NCAN: variants seen among roughly 807,000 people sequenced by gnomAD.
The protein encoded by NCAN is neurocan.
A neutral mutation model predicts 121.8 loss-of-function variants in NCAN; 47 were observed. That is an observed-to-expected ratio of 0.39 (90% CI 0.31 to 0.49). The LOEUF is 0.49. Among genes scored for constraint, NCAN ranks in the 20% least tolerant of loss-of-function variants. The pLI, the probability that NCAN is intolerant of heterozygous loss-of-function variation, is 0.92. For missense variants in NCAN, 1,517 were observed against 1,773.4 expected (o/e 0.86, Z 2.60); for synonymous variants, 633 against 702.0 (o/e 0.90, Z 1.55).
rs2060839365 is a variant in NCAN, at chr19:19,226,909, G to T, written c.1496G>T (p.Gly499Val). 2 of 1,604,088 alleles carry T rather than the reference G, an allele frequency of 1.2e-6. No homozygotes were observed. The highest frequency in any genetic ancestry group is 8.5e-7 in the Non-Finnish European group (1 of 1,174,112). ...TTCCAGCAGCAGGAACCGGAGCCGG[G>T]GCTGCAAGGGGGGATGGAGGCCAGC... is the stretch of plus-strand genomic sequence containing the variant. ...RYFQQQEPEP[G>V]LQGGMEASAQ... The change falls in exon 7 of 15, where the codon GGG (glycine) becomes GTG (valine). Residue 499 changes from glycine (G) to valine (V), a missense_variant. Physicochemically the swap from Gly to Val is moderately radical, Grantham distance 109. Coordinates refer to ENST00000252575, the MANE Select transcript of NCAN (RefSeq NM_004386.3).
chr19:19,232,831 T>C (rs2060865708), intron 8 of NCAN: 1 of 152,194 alleles, frequency 6.6e-6, no homozygotes, highest in Non-Finnish European at 1.5e-5. Context: ...AAGAAACGAT[T>C]GTTCTAATAA....
chr19:19,230,403 A>ATT (rs5827436), intron 8 of NCAN, among the ~76,000 whole-genome samples: 100,722 of 118,534 alleles, frequency 0.85, 43,626 homozygotes, highest in Middle Eastern at 0.94. Flanking sequence ...CCACCCCCAA[A>ATT]TTTTTTTTTT....
chr19:19,241,162 G>C (rs1203422744), intron 12 of NCAN, among the ~76,000 whole-genome samples: 1 of 152,124 alleles, frequency 6.6e-6, no homozygotes, highest in South Asian at 2.1e-4. Context: ...AGGCTGAGGC[G>C]TGAGAATCGC....
At position 19,224,972 on chromosome 19, in the gene NCAN, C is replaced by T. The variant is rs1277361446; in HGVS notation, c.779-5C>T. On this transcript the variant is annotated splice_polypyrimidine_tract_variant and splice_region_variant and intron_variant, in intron 5 of 14. Transcript: ENST00000252575. ...CCCCCTGACCTCCACCCGCCCCTCC[C>T]GCAGGCGAGGTCTTCTACGTGGGCC... The T allele has an allele frequency of 1.4e-6, 2 of 1,427,262 alleles. No individual in the cohort carries two copies. The highest frequency in any genetic ancestry group is 1.5e-5 in the African/African-American group (1 of 67,118). The allele number at this position is 1,427,262 out of a possible 1,614,324, so 88.4% of individuals were successfully genotyped here.
In NCAN at chr19:19,228,258, G is replaced by A. The variant is rs1324825544; in HGVS notation, c.2638G>A (p.Asp880Asn). ...VTPLTTLEQGDKVGVPAMSTL... is the reference protein window; with the variant it reads ...VTPLTTLEQGNKVGVPAMSTL... ...GCCCCTCACGACCCTGGAGCAGGGG[G>A]ACAAGGTTGGAGTTCCAGCCATGTC... The change falls in exon 8 of 15, where the codon GAC becomes AAC. Residue 880 changes from aspartate to asparagine, a missense_variant. Transcript: ENST00000252575. 1.2e-6 allele frequency: 2 copies of A among 1,613,890 alleles called. No individual in the cohort carries two copies. Among genetic ancestry groups the A allele is most frequent in the Admixed American group, 1.7e-5 (1 of 60,018 alleles).
intron 8 of NCAN, among the ~76,000 whole-genome samples, chr19:19,230,787 G>T (rs993148561): frequency 4.1e-5 from 6 of 145,378 alleles, no homozygotes; most frequent in Non-Finnish European, 6.0e-5. Context: ...GGAGTGCAGT[G>T]GTGCAATCAT....
intron 13 of NCAN, among the ~76,000 whole-genome samples, chr19:19,248,157 A>G (rs2060932014): frequency 6.6e-6 from 1 of 151,916 alleles, no homozygotes; most frequent in Admixed American, 6.6e-5. Context: ...TAAAAACAAC[A>G]ATAAGAGCCA....
At chr19:19,232,091 G>A (rs1343017020) in intron 8 of NCAN, among the ~76,000 whole-genome samples, 2 of 152,096 alleles carry the variant, frequency 1.3e-5, no homozygotes, top group Admixed American at 1.3e-4. Context: ...CAAAGAAATA[G>A]AGAAGGGGCA....
At position 19,225,285 on chromosome 19, in the gene NCAN, T is replaced by A; in HGVS notation, c.1072+15T>A. On this transcript the variant is annotated intron_variant, in intron 6 of 14. Transcript: ENST00000252575. This position sits in a 1 kb window ranked among gnomAD's most constrained non-coding sequence, Gnocchi z 4.0. ...CTGCTTCCGAGGTGCGTGCGTCCCC[T>A]GGTGGCCGCGCCCCCAGGGCTTTCA... The A allele has an allele frequency of 1.3e-6, 2 of 1,510,008 alleles. No homozygotes were observed. Among genetic ancestry groups the A allele is most frequent in the Non-Finnish European group, 1.7e-6 (2 of 1,145,408 alleles). 93.5% of individuals were successfully genotyped at this position (1,510,008 alleles called of 1,614,324 possible). A position where few individuals can be genotyped will look rare whatever the true frequency, so the allele number is the denominator to read the frequency against.
At chr19:19,234,705 A>G (rs899176925) in intron 9 of NCAN, among the ~76,000 whole-genome samples, 28 of 152,182 alleles carry the variant, frequency 1.8e-4, no homozygotes, top group African/African-American at 6.5e-4. Context: ...TGAGAGTATA[A>G]CCTTCACTTC....
chr19:19,236,056 A>C (rs2060880028), intron 10 of NCAN, among the ~76,000 whole-genome samples: 1 of 152,212 alleles, frequency 6.6e-6, no homozygotes, highest in African/African-American at 2.4e-5. Flanking sequence ...ACCATTTTAA[A>C]GTGTACATTT....
rs1454025294 is a variant in NCAN at position 19,251,722 on chromosome 19, T to C, written c.*1811T>C. The C allele has an allele frequency of 6.6e-6, 1 of 152,176 alleles. No homozygotes were observed. The highest frequency in any genetic ancestry group is 1.9e-4 in the East Asian group (1 of 5,202). The allele number at this position is 152,176 out of a possible 1,614,324, so 9.4% of individuals were successfully genotyped here. ...TTAAGAAGTGTAAACTGAACCCTTATCCTTGTCTTCAATCTTCCTCCCTGT... is the reference window on the plus strand; with the variant it reads ...TTAAGAAGTGTAAACTGAACCCTTACCCTTGTCTTCAATCTTCCTCCCTGT... On this transcript the variant is annotated 3_prime_UTR_variant, in exon 15 of 15. Transcript: ENST00000252575.
In NCAN at chr19:19,225,032, A is replaced by C; in HGVS notation, c.834A>C (p.Ala278=). The C allele has an allele frequency of 6.7e-7, 1 of 1,499,484 alleles. No homozygotes were observed. Among genetic ancestry groups the C allele is most frequent in the East Asian group, 2.6e-5 (1 of 37,842 alleles). The allele number at this position is 1,499,484 out of a possible 1,614,324, so 92.9% of individuals were successfully genotyped here. A position where few individuals can be genotyped will look rare whatever the true frequency, so the allele number is the denominator to read the frequency against. ...ARRLTLAGAR[A]QCRRQGAALA... ...GCCTGACACTGGCCGGCGCGCGTGC[A>C]CAGTGCCGCCGCCAGGGTGCCGCGC... The change falls in exon 6 of 15, where the codon GCA becomes GCC. Residue 278 remains alanine (A), a synonymous_variant. Transcript: ENST00000252575. This position sits in a 1 kb window ranked among gnomAD's most constrained non-coding sequence, Gnocchi z 4.0.
intron 8 of NCAN, 50 bp downstream of exon 8, chr19:19,228,689 G>T (rs1427775323): frequency 1.6e-5 from 25 of 1,539,966 alleles, no homozygotes; most frequent in Non-Finnish European, 1.8e-5. Context: ...GTCAGGGCTT[G>T]GGGAGCAGGG....
chr19:19,250,088 A>C lies in NCAN; in HGVS notation c.*177A>C. 2 of 771,556 alleles carry C rather than the reference A, an allele frequency of 2.6e-6. No individual in the cohort carries two copies. The highest frequency in any genetic ancestry group is 4.5e-6 in the Non-Finnish European group (2 of 448,604). The allele number at this position is 771,556 out of a possible 1,614,324, so 47.8% of individuals were successfully genotyped here. A position where few individuals can be genotyped will look rare whatever the true frequency, so the allele number is the denominator to read the frequency against. On this transcript the variant is annotated 3_prime_UTR_variant, in exon 15 of 15. Transcript: ENST00000252575. Reference sequence around the variant, plus strand: ...CTCTTTTCCCTTTTTTTACATACACAAGATCCTCTTGGCAGGTGGAGCCAG... The same window carrying C: ...CTCTTTTCCCTTTTTTTACATACACCAGATCCTCTTGGCAGGTGGAGCCAG...
intron 10 of NCAN, 116 bp downstream of exon 10, chr19:19,235,212 A>T (rs2060876663): frequency 1.7e-6 from 1 of 590,040 alleles, no homozygotes; most frequent in Non-Finnish European, 3.1e-6. Context: ...TGAGCCTGAC[A>T]CAAGATAAAT....
chr19:19,220,559 A>G (rs1046478219), intron 3 of NCAN, among the ~76,000 whole-genome samples: 10 of 141,448 alleles, frequency 7.1e-5, no homozygotes, highest in Non-Finnish European at 1.2e-4. Context: ...CCGGGTTCAC[A>G]CCATTCTCCT....
intron 12 of NCAN, among the ~76,000 whole-genome samples, chr19:19,242,419 G>A (rs899535457): frequency 6.6e-6 from 1 of 151,154 alleles, no homozygotes; most frequent in Non-Finnish European, 1.5e-5. Context: ...GGCGTGGTGG[G>A]TGACTCACGC....
Position 19,226,469 on chromosome 19 carries a change from T to C in NCAN, c.1073-17T>C. ...AACCCCTGGGCCTAACACAACCTCT[T>C]CTGCTTTCTCCCACAGCTCATCACC... is the stretch of plus-strand genomic sequence containing the variant. On this transcript the variant is annotated splice_polypyrimidine_tract_variant and intron_variant, in intron 6 of 14. Transcript: ENST00000252575. 6.5e-7 allele frequency: 1 copy of C among 1,544,400 alleles called. No homozygotes were observed.
Sources: gnomAD v4.1 joint callset for allele counts (sites outside exome capture counted in the v4.1 genomes callset) on GRCh38, gnomAD v4.1.1 for gene constraint, Gnocchi (gnomAD v3.1) non-coding constraint, MANE v1.5 for transcripts, NCBI Gene and HGNC (gene_info 2026-07-23, HGNC 2026-07-21) for gene names.